Variants in CHCHD6 observed in about 807,000 individuals in gnomAD.
The protein encoded by CHCHD6 is MICOS complex subunit MIC25.
Under a neutral mutation model 32.3 loss-of-function variants are expected in CHCHD6, and 28 were observed. The observed-to-expected ratio is 0.87, with a 90% CI of 0.64 to 1.19. The LOEUF (loss-of-function observed/expected upper bound fraction) is 1.19, where lower values mean the gene tolerates loss of function less well. CHCHD6 is among the 50% of genes most tolerant of loss of function. CHCHD6 has a pLI of 0.00. For synonymous variants in CHCHD6, 122 were observed against 117.5 expected (o/e 1.04, Z -0.25); for missense variants, 333 against 307.0 (o/e 1.08, Z -0.63).
At chr3:126,917,802 T>C (rs1400203430) in intron 6 of CHCHD6, among the ~76,000 whole-genome samples, 1 of 152,094 alleles carries the variant, frequency 6.6e-6, no homozygotes, top group Non-Finnish European at 1.5e-5. Flanking sequence ...AGAGCTCCCT[T>C]TCCTTTTCTA....
intron 5 of CHCHD6, among the ~76,000 whole-genome samples, chr3:126,910,817 G>T (rs1346256600): frequency 6.6e-6 from 1 of 152,060 alleles, no homozygotes; most frequent in Non-Finnish European, 1.5e-5. Context: ...ATGAGGTGTG[G>T]CAGATCGTGT....
Position 126,822,851 on chromosome 3 carries a change from T to A in CHCHD6, c.412-29796T>A, listed in dbSNP as rs138521194. Among the ~76,000 whole-genome samples, 21 of 152,350 alleles carry A rather than the reference T, an allele frequency of 1.4e-4. No homozygotes were observed. The East Asian group carries it at 3.3e-3, about 24-fold the overall frequency. ...CAAATGATCTGTGTTAGTAACACTC[T>A]TTATTAATTATTGTAGCTTTATGGT... On this transcript the variant is annotated intron_variant, in intron 4 of 7. Transcript: ENST00000290913.
intron 4 of CHCHD6, among the ~76,000 whole-genome samples, chr3:126,834,920 C>T (rs1940792060): frequency 6.6e-6 from 1 of 152,146 alleles, no homozygotes; most frequent in African/African-American, 2.4e-5. Flanking sequence ...CAGTAGGAGC[C>T]AGAAGCACAG....
chr3:126,755,957 G>A (rs1415723372), intron 4 of CHCHD6, among the ~76,000 whole-genome samples: 1 of 152,048 alleles, frequency 6.6e-6, no homozygotes, highest in African/African-American at 2.4e-5. Context: ...CTTTAGGTAG[G>A]GGCAGTGTTG....
chr3:126,800,803 C>CA (rs755837272), intron 4 of CHCHD6, among the ~76,000 whole-genome samples: 7 of 152,176 alleles, frequency 4.6e-5, no homozygotes, highest in Non-Finnish European at 7.3e-5. Context: ...CAGGCTTAAC[C>CA]ACAGCCCTAC....
intron 4 of CHCHD6, among the ~76,000 whole-genome samples, chr3:126,752,480 A>T (rs1936767324): frequency 6.6e-6 from 1 of 152,186 alleles, no homozygotes. Context: ...GGTGGGGAGA[A>T]GGCCCCTTCC....
At chr3:126,714,320 C>G (rs1479624262) in intron 1 of CHCHD6, among the ~76,000 whole-genome samples, 1 of 152,082 alleles carries the variant, frequency 6.6e-6, no homozygotes, top group Admixed American at 6.6e-5. Flanking sequence ...TTTCCACCAC[C>G]TGTCCGACTC....
intron 5 of CHCHD6, among the ~76,000 whole-genome samples, chr3:126,886,950 A>G (rs1168898382): frequency 1.3e-5 from 2 of 152,088 alleles, no homozygotes; most frequent in African/African-American, 2.4e-5. Context: ...TCAACACTGC[A>G]GTTTCCTTTT....
intron 4 of CHCHD6, among the ~76,000 whole-genome samples, chr3:126,813,719 T>G (rs964498222): frequency 6.6e-6 from 1 of 152,224 alleles, no homozygotes; most frequent in African/African-American, 2.4e-5. Context: ...CTGGACACAC[T>G]GAATCCAGGG....
intron 4 of CHCHD6, among the ~76,000 whole-genome samples, chr3:126,761,557 C>T (rs1269118262): frequency 1.3e-5 from 2 of 152,170 alleles, no homozygotes; most frequent in African/African-American, 2.4e-5. Context: ...TCCCAAGTAT[C>T]TGGGACTATA....
chr3:126,787,780 G>A (rs1238547349), intron 4 of CHCHD6, among the ~76,000 whole-genome samples: 1 of 152,132 alleles, frequency 6.6e-6, no homozygotes. Flanking sequence ...AACAGGGACA[G>A]TTTGACTTCC....
Position 126,875,976 on chromosome 3 carries a change from C to T in CHCHD6, c.495+23246C>T, listed in dbSNP as rs928742232. The stretch of plus-strand genomic sequence containing the variant: ...CTATTATTTTTTGATATGCTAATGG[C>T]ATCTAATGAGAACAACAGCTTTCAG... On this transcript the variant is annotated intron_variant, in intron 5 of 7. Coordinates refer to ENST00000290913, the MANE Select transcript of CHCHD6 (RefSeq NM_032343.3). Among the ~76,000 whole-genome samples the T allele has an allele frequency of 2.6e-5, 4 of 152,230 alleles. No individual in the cohort carries two copies. The East Asian group carries it at 5.8e-4, about 22-fold the overall frequency.
intron 4 of CHCHD6, among the ~76,000 whole-genome samples, chr3:126,818,285 G>A (rs192317092): frequency 6.6e-6 from 1 of 152,154 alleles, no homozygotes; most frequent in African/African-American, 2.4e-5. Context: ...AATATACTTT[G>A]GCAGCATTTG....
At chr3:126,718,753 C>T (rs759767041) in intron 1 of CHCHD6, among the ~76,000 whole-genome samples, 4 of 152,222 alleles carry the variant, frequency 2.6e-5, no homozygotes, top group Admixed American at 6.5e-5. Context: ...CTGTGACCAG[C>T]GGGCCGTGGC....
intron 5 of CHCHD6, among the ~76,000 whole-genome samples, chr3:126,913,378 C>T (rs1302361133): frequency 2.6e-5 from 4 of 151,588 alleles, no homozygotes; most frequent in African/African-American, 9.7e-5. Context: ...TACAGGCACC[C>T]GCCACCACAC....
intron 4 of CHCHD6, among the ~76,000 whole-genome samples, chr3:126,770,828 G>A (rs1429173828): frequency 6.6e-6 from 1 of 152,204 alleles, no homozygotes; most frequent in Non-Finnish European, 1.5e-5. Context: ...GTATCAGGAT[G>A]ATGCTGGCCT....
At chr3:126,848,482 C>T (rs924801037) in intron 4 of CHCHD6, among the ~76,000 whole-genome samples, 1 of 152,166 alleles carries the variant, frequency 6.6e-6, no homozygotes, top group African/African-American at 2.4e-5. Context: ...TAAAATTATT[C>T]ATCAATTGGA....
At chr3:126,736,881 G>A (rs1936066661) in intron 4 of CHCHD6, among the ~76,000 whole-genome samples, 1 of 152,134 alleles carries the variant, frequency 6.6e-6, no homozygotes, top group Admixed American at 6.5e-5. Flanking sequence ...TCTTCTGATG[G>A]GTGGAGTCTT....
intron 5 of CHCHD6, among the ~76,000 whole-genome samples, chr3:126,901,856 A>C (rs1320152954): frequency 6.6e-6 from 1 of 152,064 alleles, no homozygotes; most frequent in Non-Finnish European, 1.5e-5. Context: ...AGCCACTGTC[A>C]CTCATTGAGT....
Sources: allele counts gnomAD v4.1 joint callset (sites outside exome capture counted in the v4.1 genomes callset), GRCh38; gene constraint gnomAD v4.1.1; transcripts MANE v1.5; gene names NCBI Gene and HGNC (gene_info 2026-07-23, HGNC 2026-07-21).